MICU2: variants seen among roughly 807,000 people sequenced by gnomAD.
MICU2 encodes the protein calcium uptake protein 2, mitochondrial.
A neutral mutation model predicts 60.4 loss-of-function variants in MICU2; 64 were observed. The observed-to-expected ratio is 1.06, with a 90% CI of 0.87 to 1.31. The LOEUF (loss-of-function observed/expected upper bound fraction) is 1.31, where lower values mean the gene tolerates loss of function less well. Among genes scored for constraint, MICU2 ranks in the 50% most tolerant of loss-of-function variants. The pLI, the probability that MICU2 is intolerant of heterozygous loss-of-function variation, is 0.00. For synonymous variants in MICU2, 201 were observed against 175.0 expected (o/e 1.15, Z -1.17); for missense variants, 569 against 531.0 (o/e 1.07, Z -0.70).
chr13:21,542,196 C>T (rs969033779), intron 2 of MICU2, among the ~76,000 whole-genome samples: 4 of 152,156 alleles, frequency 2.6e-5, no homozygotes, highest in Non-Finnish European at 5.9e-5. Flanking sequence ...ACAGTTGTCT[C>T]ACCCAGGATG....
intron 4 of MICU2, chr13:21,531,116 C>T (rs1886987345): frequency 1.1e-6 from 1 of 926,032 alleles, no homozygotes; most frequent in Non-Finnish European, 1.8e-6. Flanking sequence ...GTTCCCCCTA[C>T]CTAATTGCCT....
chr13:21,575,980 A>G (rs1227256954), intron 1 of MICU2, among the ~76,000 whole-genome samples: 1 of 152,172 alleles, frequency 6.6e-6, no homozygotes, highest in South Asian at 2.1e-4. Flanking sequence ...ACCATCTTAC[A>G]GAGATAAAAT....
At chr13:21,536,049 C>T (rs182677901) in intron 4 of MICU2, among the ~76,000 whole-genome samples, 144 of 152,190 alleles carry the variant, frequency 9.5e-4, no homozygotes, top group African/African-American at 3.3e-3. Context: ...AATTTAGGAG[C>T]TTGTTAACCT....
intron 1 of MICU2, among the ~76,000 whole-genome samples, chr13:21,581,551 C>T (rs73445720): frequency 6.6e-6 from 1 of 151,946 alleles, no homozygotes; most frequent in Admixed American, 6.6e-5. Flanking sequence ...CAGATTCACA[C>T]CCTATTCAAA....
intron 1 of MICU2, among the ~76,000 whole-genome samples, chr13:21,571,014 C>T (rs540992195): frequency 6.6e-6 from 1 of 152,282 alleles, no homozygotes; most frequent in South Asian, 2.1e-4. Context: ...TTCACTTCTT[C>T]CTTCCTTCCG....
At chr13:21,543,809 A>AT (rs56204467) in intron 2 of MICU2, among the ~76,000 whole-genome samples, 53,932 of 151,630 alleles carry the variant, frequency 0.36, 10,008 homozygotes, top group Non-Finnish European at 0.41. Context: ...GCAAGTAGAA[A>AT]AAAAATCCTA....
intron 1 of MICU2, among the ~76,000 whole-genome samples, chr13:21,599,168 G>A (rs913786022): frequency 6.6e-6 from 1 of 152,202 alleles, no homozygotes; most frequent in Non-Finnish European, 1.5e-5. Context: ...AGTCCCTGGT[G>A]CCAAAAAGGT....
At chr13:21,507,897 C>A (rs549687873) in intron 8 of MICU2, among the ~76,000 whole-genome samples, 2 of 151,948 alleles carry the variant, frequency 1.3e-5, no homozygotes, top group East Asian at 3.9e-4. Context: ...CCACCGCGCC[C>A]GGCCAGATTT....
At chr13:21,495,494 A>G (rs1359276322) in intron 10 of MICU2, 176 bp from the exon 11 acceptor site, 4 of 573,686 alleles carry the variant, frequency 7.0e-6, no homozygotes, top group Non-Finnish European at 1.2e-5. Context: ...GACGAATGTC[A>G]TGAGAGTCAC....
chr13:21,571,138 C>A (rs530712118), intron 1 of MICU2, among the ~76,000 whole-genome samples: 2 of 151,890 alleles, frequency 1.3e-5, no homozygotes, highest in Non-Finnish European at 2.9e-5. Flanking sequence ...CCTGAACTAA[C>A]CATGTTGCTT....
chr13:21,501,842 T>C (rs1468138288), intron 9 of MICU2, among the ~76,000 whole-genome samples: 2 of 152,202 alleles, frequency 1.3e-5, no homozygotes, highest in Non-Finnish European at 2.9e-5. Flanking sequence ...AACTCCAAGA[T>C]GGCACAGCCT....
intron 7 of MICU2, among the ~76,000 whole-genome samples, chr13:21,513,859 T>C (rs1466269909): frequency 6.6e-6 from 1 of 150,942 alleles, no homozygotes; most frequent in Non-Finnish European, 1.5e-5. Context: ...AATATAGATA[T>C]ATCTATTTAC....
intron 1 of MICU2, among the ~76,000 whole-genome samples, chr13:21,593,584 A>C (rs1425447598): frequency 5.3e-5 from 8 of 149,820 alleles, no homozygotes; most frequent in African/African-American, 2.0e-4. Context: ...AAAAAAAAAA[A>C]AAAAAAAAAA....
At chr13:21,538,894 C>T (rs1887204562) in intron 4 of MICU2, among the ~76,000 whole-genome samples, 1 of 152,128 alleles carries the variant, frequency 6.6e-6, no homozygotes, top group African/African-American at 2.4e-5. Flanking sequence ...GCTCACTCAA[C>T]TCCCTACATT....
chr13:21,570,194 T>C (rs1888075717), intron 1 of MICU2, among the ~76,000 whole-genome samples: 1 of 152,198 alleles, frequency 6.6e-6, no homozygotes, highest in African/African-American at 2.4e-5. Flanking sequence ...ACAAAATTTA[T>C]GTAAAGGAAA....
intron 6 of MICU2, among the ~76,000 whole-genome samples, chr13:21,516,085 T>C (rs1364969278): frequency 1.3e-5 from 2 of 152,230 alleles, no homozygotes; most frequent in African/African-American, 4.8e-5. Flanking sequence ...CTGGCTCTTC[T>C]ATACCTCTAC....
intron 7 of MICU2, among the ~76,000 whole-genome samples, chr13:21,512,207 AGGT>A (rs1886447933): frequency 1.3e-5 from 2 of 152,208 alleles, no homozygotes; most frequent in Non-Finnish European, 2.9e-5. Context: ...TAATGACTAA[AGGT>A]GGTGAATATC....
intron 8 of MICU2, among the ~76,000 whole-genome samples, chr13:21,504,384 C>A (rs567373592): frequency 6.6e-6 from 1 of 152,018 alleles, no homozygotes; most frequent in African/African-American, 2.4e-5. Context: ...TCCCTTTTTT[C>A]TTCAGGCTCT....
At chr13:21,497,744 G>T (rs79421190) in intron 9 of MICU2, among the ~76,000 whole-genome samples, 5,457 of 152,162 alleles carry the variant, frequency 0.036, 154 homozygotes, top group South Asian at 0.066. Flanking sequence ...AACAAAGTAT[G>T]AAAATTCTCT....
Sources: gnomAD v4.1 joint callset for allele counts (sites outside exome capture counted in the v4.1 genomes callset) on GRCh38, gnomAD v4.1.1 for gene constraint, MANE v1.5 for transcripts, NCBI Gene and HGNC (gene_info 2026-07-23, HGNC 2026-07-21) for gene names.